The following GRK5 variants were observed in gnomAD, a reference collection of about 807,000 sequenced individuals.
GRK5 encodes g protein-coupled receptor kinase GRK5.
GRK5 carries 40 observed loss-of-function variants against 78.4 expected under a neutral mutation model. The observed-to-expected ratio is 0.51, with a 90% CI of 0.40 to 0.66. The LOEUF (loss-of-function observed/expected upper bound fraction) is 0.66, where lower values mean the gene tolerates loss of function less well. GRK5 is among the 30% of genes least tolerant of loss of function. The probability of loss-of-function intolerance (pLI) is 0.00; values close to 1 mark genes in which losing one functional copy is unlikely to be tolerated. For missense variants in GRK5, 598 were observed against 759.9 expected (o/e 0.79, Z 2.50); for synonymous variants, 289 against 296.8 (o/e 0.97, Z 0.27).
chr10:119,272,107 C>T (rs747034159), intron 1 of GRK5, among the ~76,000 whole-genome samples: 3 of 152,152 alleles, frequency 2.0e-5, no homozygotes, highest in Non-Finnish European at 4.4e-5. Context: ...AGAGATGGTT[C>T]CAAATGTTCT....
intron 1 of GRK5, among the ~76,000 whole-genome samples, chr10:119,289,291 G>A (rs1223056216): frequency 6.6e-6 from 1 of 152,194 alleles, no homozygotes; most frequent in Non-Finnish European, 1.5e-5. Context: ...AGCTCTTTTG[G>A]TTATTGTGAT....
intron 4 of GRK5, among the ~76,000 whole-genome samples, chr10:119,409,477 G>A (rs1405411602): frequency 6.6e-6 from 1 of 152,170 alleles, no homozygotes; most frequent in Non-Finnish European, 1.5e-5. Flanking sequence ...CTTAATGTGT[G>A]TGCATAGTGT....
At chr10:119,331,195 G>A (rs1409227152) in intron 2 of GRK5, among the ~76,000 whole-genome samples, 1 of 152,236 alleles carries the variant, frequency 6.6e-6, no homozygotes, top group African/African-American at 2.4e-5. Flanking sequence ...CTCTTGGCAG[G>A]GCCCACTCCC....
chr10:119,217,138 A>T lies in GRK5; in HGVS notation c.52+9169A>T, dbSNP rs1055242467. On this transcript the variant is annotated intron_variant, in intron 1 of 15. Coordinates refer to ENST00000392870, the MANE Select transcript of GRK5 (RefSeq NM_005308.3). This position sits in a 1 kb window ranked among gnomAD's most constrained non-coding sequence, Gnocchi z 4.1. Reference sequence around the variant, plus strand: ...CTCTTCTCGAGATGGTAGGGTTTTTAAGTGTAAATACCCATGAGGTTGTAA... The same window carrying T: ...CTCTTCTCGAGATGGTAGGGTTTTTTAGTGTAAATACCCATGAGGTTGTAA... Among the ~76,000 whole-genome samples, 5 of 152,208 alleles carry T rather than the reference A, an allele frequency of 3.3e-5. No individual in the cohort carries two copies. The highest frequency in any genetic ancestry group is 6.5e-5 in the Admixed American group (1 of 15,276).
chr10:119,261,913 GGGGAGAGGGAGA>G (rs142546925), intron 1 of GRK5, among the ~76,000 whole-genome samples: 27 of 151,710 alleles, frequency 1.8e-4, no homozygotes, highest in Admixed American at 5.9e-4. Flanking sequence ...GGGAGACCAT[GGGGAGAGGGAGA>G]GGGAGAGGGA....
At chr10:119,291,791 T>C (rs1210834564) in intron 1 of GRK5, among the ~76,000 whole-genome samples, 8 of 134,062 alleles carry the variant, frequency 6.0e-5, no homozygotes, top group Admixed American at 2.1e-4. Flanking sequence ...TCCTCCTCCT[T>C]CTTCTCTTCC....
intron 1 of GRK5, chr10:119,208,529 A>G (rs1564848364): frequency 1.3e-5 from 2 of 153,492 alleles, no homozygotes; most frequent in Admixed American, 1.3e-4. Context: ...TAGCCTTTTC[A>G]TAGAATTATC....
intron 4 of GRK5, among the ~76,000 whole-genome samples, chr10:119,421,043 T>C (rs1388068995): frequency 6.6e-6 from 1 of 152,220 alleles, no homozygotes; most frequent in East Asian, 1.9e-4. Flanking sequence ...TTTCTCCCCA[T>C]GGCCCACCCT....
At chr10:119,355,873 T>A (rs1431351251) in intron 2 of GRK5, among the ~76,000 whole-genome samples, 2 of 152,128 alleles carry the variant, frequency 1.3e-5, no homozygotes, top group Non-Finnish European at 2.9e-5. Context: ...AGTTTCAGAG[T>A]CACTGCAGTA....
chr10:119,299,641 C>T (rs1339047201), intron 1 of GRK5, among the ~76,000 whole-genome samples: 4 of 152,090 alleles, frequency 2.6e-5, no homozygotes, highest in Non-Finnish European at 5.9e-5. Flanking sequence ...TTGAGAACTG[C>T]AGCTGTAGTG....
intron 3 of GRK5, among the ~76,000 whole-genome samples, chr10:119,385,742 C>G (rs1851783248): frequency 6.6e-6 from 1 of 152,150 alleles, no homozygotes; most frequent in Non-Finnish European, 1.5e-5. Flanking sequence ...TGGGGAAAAT[C>G]AAGAGCTCCG....
intron 9 of GRK5, among the ~76,000 whole-genome samples, chr10:119,437,137 G>A (rs1205863268): frequency 8.5e-5 from 13 of 152,234 alleles, no homozygotes; most frequent in African/African-American, 2.7e-4. Context: ...AGGACGGGCC[G>A]TGACCACTGC....
chr10:119,239,716 G>A (rs1317384694), intron 1 of GRK5, among the ~76,000 whole-genome samples: 1 of 138,118 alleles, frequency 7.2e-6, no homozygotes, highest in African/African-American at 2.7e-5. Context: ...GGTGTGTGAT[G>A]TTCCCCTCCC....
At chr10:119,394,851 G>A (rs555323724) in intron 3 of GRK5, among the ~76,000 whole-genome samples, 3 of 144,592 alleles carry the variant, frequency 2.1e-5, no homozygotes, top group South Asian at 2.3e-4. Context: ...ACGTGTGTGT[G>A]CACACATGTG....
chr10:119,278,711 A>T (rs1441927099), intron 1 of GRK5, among the ~76,000 whole-genome samples: 1 of 151,960 alleles, frequency 6.6e-6, no homozygotes, highest in African/African-American at 2.4e-5. Flanking sequence ...TAACAATGAG[A>T]CGTTATTTTC....
Position 119,378,884 on chromosome 10 carries a change from G to A in GRK5, c.149-1931G>A, listed in dbSNP as rs1248452888. ...CTGAGGCATGGCCACCCTTGAACCT[G>A]TCATTATGGCCAGAGAGAGAGGCCT... On this transcript the variant is annotated intron_variant, in intron 2 of 15. Coordinates refer to ENST00000392870, the MANE Select transcript of GRK5 (RefSeq NM_005308.3). This position sits in a 1 kb window ranked among gnomAD's most constrained non-coding sequence, Gnocchi z 4.5. Among the ~76,000 whole-genome samples the A allele has an allele frequency of 6.6e-6, 1 of 152,234 alleles. No homozygotes were observed. Among genetic ancestry groups the A allele is most frequent in the Non-Finnish European group, 1.5e-5 (1 of 68,050 alleles).
intron 1 of GRK5, among the ~76,000 whole-genome samples, chr10:119,229,201 C>T (rs527713909): frequency 6.6e-6 from 1 of 152,208 alleles, no homozygotes; most frequent in African/African-American, 2.4e-5. Context: ...TGGGACCTTT[C>T]CCAGTGCCCT....
chr10:119,332,811 G>A (rs913634315), intron 2 of GRK5, among the ~76,000 whole-genome samples: 6 of 152,120 alleles, frequency 3.9e-5, no homozygotes, highest in South Asian at 2.1e-4. Flanking sequence ...CTCTCTACCC[G>A]GAATGTTCTT....
At chr10:119,413,275 CTG>C (rs1162058423) in intron 4 of GRK5, among the ~76,000 whole-genome samples, 3 of 151,760 alleles carry the variant, frequency 2.0e-5, no homozygotes, top group Non-Finnish European at 4.4e-5. Flanking sequence ...TTCCTTAGCA[CTG>C]TGATTGGCCC....
Sources: allele counts gnomAD v4.1 joint callset (sites outside exome capture counted in the v4.1 genomes callset), GRCh38; gene constraint gnomAD v4.1.1; non-coding constraint Gnocchi (gnomAD v3.1); transcripts MANE v1.5; gene names NCBI Gene and HGNC (gene_info 2026-07-23, HGNC 2026-07-21).